NUB1: variants seen among roughly 807,000 people sequenced by gnomAD.
NUB1 encodes the protein negative regulator of ubiquitin like proteins 1.
In NUB1, 41 loss-of-function variants were observed where a neutral mutation model predicts 77.1. The observed-to-expected ratio is 0.53, with a 90% CI of 0.41 to 0.69. The LOEUF is 0.69. NUB1 is among the 30% of genes least tolerant of loss of function. The probability of loss-of-function intolerance (pLI) is 0.00; values close to 1 mark genes in which losing one functional copy is unlikely to be tolerated. For missense variants in NUB1, 643 were observed against 743.8 expected (o/e 0.86, Z 1.58); for synonymous variants, 257 against 281.0 (o/e 0.91, Z 0.85).
At chr7:151,376,894 G>A (rs1287661674) in intron 14 of NUB1, 83 bp downstream of exon 14, 2 of 1,475,278 alleles carry the variant, frequency 1.4e-6, no homozygotes, top group Non-Finnish European at 1.8e-6. Context: ...CACGGCAGAT[G>A]TGGAGACTGA....
intron 12 of NUB1, among the ~76,000 whole-genome samples, chr7:151,374,776 C>A (rs1299405619): frequency 6.6e-6 from 1 of 152,176 alleles, no homozygotes; most frequent in Non-Finnish European, 1.5e-5. Flanking sequence ...CATATCGAAT[C>A]CTCAGTAGGG....
intron 2 of NUB1, among the ~76,000 whole-genome samples, chr7:151,348,453 A>G (rs1563010377): frequency 1.3e-5 from 2 of 151,744 alleles, no homozygotes; most frequent in Non-Finnish European, 2.9e-5. Flanking sequence ...TCACAGTCAC[A>G]TAAGTCATAG....
chr7:151,365,757 G>A (rs1797643782), intron 8 of NUB1, among the ~76,000 whole-genome samples: 2 of 152,222 alleles, frequency 1.3e-5, no homozygotes, highest in Admixed American at 6.5e-5. Context: ...AATTAGAAAT[G>A]TTGAGAGAGA....
intron 5 of NUB1, 127 bp downstream of exon 5, chr7:151,353,009 G>T: frequency 1.7e-6 from 1 of 585,138 alleles, no homozygotes; most frequent in Non-Finnish European, 3.0e-6. Context: ...AAGTGATTTA[G>T]AAGTTTACTA....
In NUB1 at chr7:151,376,476, C is replaced by T. The variant is rs760076279; in HGVS notation, c.1492-158C>T. 7.8e-5 allele frequency: 55 copies of T among 709,458 alleles called. 1 individual carries two copies. In the South Asian group the frequency reaches 1.0e-3, roughly 13 times the overall value. The allele number at this position is 709,458 out of a possible 1,614,324, so 43.9% of individuals were successfully genotyped here. On this transcript the variant is annotated intron_variant, in intron 13 of 14. Coordinates refer to ENST00000568733, the MANE Select transcript of NUB1 (RefSeq NM_001243351.2). ...CCAAGCCCCCTTCCAGGTTGCTCTA[C>T]GCTCACATTGCACAGAAGCATGACT...
At chr7:151,375,219 T>C (rs1352426815) in intron 12 of NUB1, among the ~76,000 whole-genome samples, 1 of 152,266 alleles carries the variant, frequency 6.6e-6, no homozygotes, top group Non-Finnish European at 1.5e-5. Flanking sequence ...ACATATACGT[T>C]AAATTTTAAA....
At chr7:151,367,412 C>T (rs534006709) in intron 9 of NUB1, among the ~76,000 whole-genome samples, 4 of 152,126 alleles carry the variant, frequency 2.6e-5, no homozygotes, top group African/African-American at 4.8e-5. Context: ...TTCTTTATAT[C>T]GGTAGAGTCT....
intron 4 of NUB1, among the ~76,000 whole-genome samples, chr7:151,351,710 C>T (rs1009167151): frequency 1.3e-5 from 2 of 152,086 alleles, no homozygotes; most frequent in Non-Finnish European, 2.9e-5. Context: ...GTGTAACTTC[C>T]GAGCAGGTGG....
chr7:151,346,891 G>A (rs760277126), intron 2 of NUB1, among the ~76,000 whole-genome samples: 14 of 152,134 alleles, frequency 9.2e-5, no homozygotes, highest in Non-Finnish European at 1.8e-4. Flanking sequence ...CAAAAGTATG[G>A]GTAACCTGGG....
chr7:151,364,674 G>A (rs895471989), intron 8 of NUB1, among the ~76,000 whole-genome samples: 2 of 151,764 alleles, frequency 1.3e-5, no homozygotes, highest in African/African-American at 4.8e-5. Flanking sequence ...ACAGGCACCC[G>A]CCATCATGCC....
rs561039294 is a variant in NUB1, at chr7:151,378,430, G to A, written c.*1205G>A. The A allele has an allele frequency of 2.0e-5, 3 of 152,334 alleles. No individual in the cohort carries two copies. Among genetic ancestry groups the A allele is most frequent in the East Asian group, 3.9e-4 (2 of 5,192 alleles). 9.4% of individuals were successfully genotyped at this position (152,334 alleles called of 1,614,324 possible). A position where few individuals can be genotyped will look rare whatever the true frequency, so the allele number is the denominator to read the frequency against. ...CGGATGATACCGATGGAAATAAAAG[G>A]TGGGAAATATATTCAAAAATTGTCA... On this transcript the variant is annotated 3_prime_UTR_variant, in exon 15 of 15. Coordinates refer to ENST00000568733, the MANE Select transcript of NUB1 (RefSeq NM_001243351.2).
chr7:151,370,638 A>G (rs1335202805), intron 11 of NUB1, among the ~76,000 whole-genome samples: 2 of 151,530 alleles, frequency 1.3e-5, no homozygotes. Context: ...GGTGCGCTGC[A>G]CCCATTAACT....
At chr7:151,359,847 A>G (rs970701079) in intron 7 of NUB1, among the ~76,000 whole-genome samples, 1 of 152,252 alleles carries the variant, frequency 6.6e-6, no homozygotes, top group Non-Finnish European at 1.5e-5. Flanking sequence ...TTTAGTCTGA[A>G]TAGAATATTA....
chr7:151,343,290 T>G (rs1307147338), intron 1 of NUB1, among the ~76,000 whole-genome samples: 1 of 152,164 alleles, frequency 6.6e-6, no homozygotes, highest in Non-Finnish European at 1.5e-5. Context: ...CTCTCTTTTC[T>G]CCTCCCTGTC....
In NUB1 at chr7:151,378,051, G is replaced by A. The variant is rs1484936983; in HGVS notation, c.*826G>A. ...CAGAGATTTAGATATATTTTCTCCA[G>A]GTTTTTTGTGGGTTTTCTTTGTTGT... On this transcript the variant is annotated 3_prime_UTR_variant, in exon 15 of 15. Transcript: ENST00000568733. 6.6e-6 allele frequency: 1 copy of A among 152,200 alleles called. No individual in the cohort carries two copies. The highest frequency in any genetic ancestry group is 1.5e-5 in the Non-Finnish European group (1 of 68,036). 9.4% of individuals were successfully genotyped at this position (152,200 alleles called of 1,614,324 possible). A position where few individuals can be genotyped will look rare whatever the true frequency, so the allele number is the denominator to read the frequency against.
At position 151,349,196 on chromosome 7, in the gene NUB1, G is replaced by A. The variant is rs1299014691; in HGVS notation, c.241G>A (p.Gly81Arg). The change falls in exon 3 of 15, where the codon GGA (glycine) becomes AGA (arginine). Residue 81 changes from glycine to arginine, a missense_variant. Transcript: ENST00000568733. ...GTGNDNYRTT[G>R]IATIEVFLPP... The stretch of plus-strand genomic sequence containing the variant: ...AGGAAATGACAATTATAGAACAACG[G>A]GAATTGCTACAATCGAGGTGTTTTT... 1 of 1,612,110 alleles carries A rather than the reference G, an allele frequency of 6.2e-7. No homozygotes were observed. Among genetic ancestry groups the A allele is most frequent in the Non-Finnish European group, 8.5e-7 (1 of 1,179,382 alleles).
At chr7:151,345,281 T>G (rs1182238901) in intron 1 of NUB1, 67 bp from the exon 2 acceptor site, 4 of 972,294 alleles carry the variant, frequency 4.1e-6, no homozygotes, top group Admixed American at 2.2e-5. Flanking sequence ...CACCTTAACA[T>G]GTAGGTAAGT....
At chr7:151,343,875 G>A (rs985292690) in intron 1 of NUB1, among the ~76,000 whole-genome samples, 5 of 151,980 alleles carry the variant, frequency 3.3e-5, no homozygotes, top group East Asian at 3.9e-4. Flanking sequence ...AAAATGATCC[G>A]ATCAGTGTTA....
intron 13 of NUB1, 116 bp downstream of exon 13, chr7:151,376,059 C>A: frequency 1.4e-6 from 1 of 729,130 alleles, no homozygotes; most frequent in Non-Finnish European, 2.5e-6. Context: ...CCTTGGCTCC[C>A]AGGCTCCAGG....
Sources: gnomAD v4.1 joint callset for allele counts (sites outside exome capture counted in the v4.1 genomes callset) on GRCh38, gnomAD v4.1.1 for gene constraint, MANE v1.5 for transcripts, NCBI Gene and HGNC (gene_info 2026-07-23, HGNC 2026-07-21) for gene names.